The following TBX18 variants were observed in gnomAD, a reference collection of about 807,000 sequenced individuals.
The protein encoded by TBX18 is T-box transcription factor TBX18.
TBX18 carries 21 observed loss-of-function variants against 55.0 expected under a neutral mutation model. The ratio of observed to expected loss-of-function variants is 0.38; its 90% CI spans 0.27 to 0.55. The LOEUF is 0.55. TBX18 is among the 20% of genes least tolerant of loss of function. The pLI is 0.73. For missense variants in TBX18, 840 were observed against 799.6 expected, an observed-to-expected ratio of 1.05 and a Z score of -0.61; for synonymous variants, 342 against 326.1, an observed-to-expected ratio of 1.05 and a Z score of -0.53.
chr6:84,763,261 G>A, intron 1 of TBX18: 1 of 394,122 alleles, frequency 2.5e-6, no homozygotes, highest in Non-Finnish European at 5.0e-6. Flanking sequence ...TTTGGGCCGG[G>A]CCGGAGGCAT....
At chr6:84,751,745 T>C (rs1215165861) in intron 4 of TBX18, among the ~76,000 whole-genome samples, 1 of 152,174 alleles carries the variant, frequency 6.6e-6, no homozygotes, top group Non-Finnish European at 1.5e-5. Context: ...ACAAAAGCAA[T>C]TTAGACAGCA....
At chr6:84,757,847 T>C (rs1767537021) in intron 3 of TBX18, among the ~76,000 whole-genome samples, 1 of 152,076 alleles carries the variant, frequency 6.6e-6, no homozygotes, top group Admixed American at 6.5e-5. Flanking sequence ...TAAAATTATA[T>C]ACTTAGATAT....
At chr6:84,754,823 A>G (rs1430019725) in intron 4 of TBX18, among the ~76,000 whole-genome samples, 1 of 152,174 alleles carries the variant, frequency 6.6e-6, no homozygotes, top group East Asian at 1.9e-4. Context: ...TCAGTTGAAG[A>G]CTGTAGGAGA....
intron 4 of TBX18, among the ~76,000 whole-genome samples, chr6:84,750,220 G>A (rs1239451682): frequency 3.3e-5 from 5 of 151,022 alleles, no homozygotes; most frequent in African/African-American, 1.2e-4. Context: ...GGGAGGCGGA[G>A]GTTGCAGTGA....
At chr6:84,755,998 A>G (rs1767476982) in intron 4 of TBX18, among the ~76,000 whole-genome samples, 1 of 152,252 alleles carries the variant, frequency 6.6e-6, no homozygotes, top group Admixed American at 6.5e-5. Context: ...ATCTTAAATA[A>G]CAGAAACCTA....
In TBX18 at chr6:84,734,018, G is replaced by C. The variant is rs1362461117; in HGVS notation, c.*2667C>G. On this transcript the variant is annotated 3_prime_UTR_variant, in exon 8 of 8. Coordinates refer to ENST00000369663, the MANE Select transcript of TBX18 (RefSeq NM_001080508.3). The stretch of plus-strand genomic sequence containing the variant: ...TGGAAGGCAGCTTGTAAGGAAGCAA[G>C]TGTTAATTTTCAAAATGTGACTGGT... 6.6e-6 allele frequency: 1 copy of C among 152,158 alleles called. No individual in the cohort carries two copies. Among genetic ancestry groups the C allele is most frequent in the Non-Finnish European group, 1.5e-5 (1 of 68,044 alleles). The allele number at this position is 152,158 out of a possible 1,614,324, so 9.4% of individuals were successfully genotyped here. A position where few individuals can be genotyped will look rare whatever the true frequency, so the allele number is the denominator to read the frequency against.
chr6:84,758,717 A>G (rs752364506), intron 3 of TBX18, among the ~76,000 whole-genome samples: 3 of 152,220 alleles, frequency 2.0e-5, no homozygotes, highest in Non-Finnish European at 4.4e-5. Flanking sequence ...ACCTTGAAAA[A>G]GTATGCATTT....
At chr6:84,761,224 C>G (rs532670478) in intron 2 of TBX18, among the ~76,000 whole-genome samples, 1 of 152,166 alleles carries the variant, frequency 6.6e-6, no homozygotes, top group East Asian at 1.9e-4. Context: ...AAGTCCCTTC[C>G]AAGGAAATCT....
chr6:84,753,099 G>A (rs1380443877), intron 4 of TBX18, among the ~76,000 whole-genome samples: 1 of 152,164 alleles, frequency 6.6e-6, no homozygotes, highest in African/African-American at 2.4e-5. Context: ...CATAAAGCTC[G>A]CTATGGATTC....
At chr6:84,738,434 T>A (rs1027121103) in intron 7 of TBX18, 63 bp downstream of exon 7, 3 of 1,233,044 alleles carry the variant, frequency 2.4e-6, no homozygotes, top group Admixed American at 1.7e-5. Flanking sequence ...TGTACACTTT[T>A]AGTGCCTGAG....
chr6:84,764,376 G>A lies in TBX18; in HGVS notation c.-195C>T. 1.3e-6 allele frequency: 1 copy of A among 769,532 alleles called. No homozygotes were observed. Among genetic ancestry groups the A allele is most frequent in the Non-Finnish European group, 1.9e-6 (1 of 530,310 alleles). The allele number at this position is 769,532 out of a possible 1,614,324, so 47.7% of individuals were successfully genotyped here. A position where few individuals can be genotyped will look rare whatever the true frequency, so the allele number is the denominator to read the frequency against. ...GTGTTGGGATCCAGGAACCGGCGACGCGCCGGCCAAGTCTCCTTTCCTGGG... is the reference window on the plus strand; with the variant it reads ...GTGTTGGGATCCAGGAACCGGCGACACGCCGGCCAAGTCTCCTTTCCTGGG... On this transcript the variant is annotated 5_prime_UTR_variant, in exon 1 of 8. Transcript: ENST00000369663.
rs1181278983 is a variant in TBX18 at position 84,733,515 on chromosome 6, G to C, written c.*3170C>G. Reference sequence around the variant, plus strand: ...CTAATTAGAGACAGCATCAGGGTAGGTAGCATCCACCACCTCTACCAAGGT... The same window carrying C: ...CTAATTAGAGACAGCATCAGGGTAGCTAGCATCCACCACCTCTACCAAGGT... On this transcript the variant is annotated 3_prime_UTR_variant, in exon 8 of 8. Coordinates refer to ENST00000369663, the MANE Select transcript of TBX18 (RefSeq NM_001080508.3). The C allele has an allele frequency of 6.6e-6, 1 of 152,156 alleles. No individual in the cohort carries two copies. The highest frequency in any genetic ancestry group is 1.5e-5 in the Non-Finnish European group (1 of 68,032). 9.4% of individuals were successfully genotyped at this position (152,156 alleles called of 1,614,324 possible). A position where few individuals can be genotyped will look rare whatever the true frequency, so the allele number is the denominator to read the frequency against.
intron 3 of TBX18, among the ~76,000 whole-genome samples, chr6:84,760,003 C>T (rs1044031949): frequency 6.6e-6 from 1 of 152,118 alleles, no homozygotes; most frequent in Non-Finnish European, 1.5e-5. Context: ...ACCAAATTAT[C>T]CCCTTTAAAA....
rs186441711 is a variant in TBX18 at position 84,746,252 on chromosome 6, G to C, written c.939+1668C>G. Among the ~76,000 whole-genome samples the C allele has an allele frequency of 7.2e-5, 11 of 152,048 alleles. No homozygotes were observed. In the East Asian group the frequency reaches 1.9e-3, roughly 27 times the overall value. The stretch of plus-strand genomic sequence containing the variant: ...AGAGAGAGACAAAAAGAGAGGAAGA[G>C]AGACAGAAAGAGGTGACGAATTGAG... On this transcript the variant is annotated intron_variant, in intron 5 of 7. Transcript: ENST00000369663.
rs1198510320 is a variant in TBX18, at chr6:84,764,120, G to A, written c.62C>T (p.Ser21Leu). The change falls in exon 1 of 8, where the codon TCG (serine) becomes TTG (leucine). Residue 21 changes from serine (S) to leucine (L), a missense_variant. Coordinates refer to ENST00000369663, the MANE Select transcript of TBX18 (RefSeq NM_001080508.3). Reference sequence around the variant, plus strand: ...CTCGGCGCCGATCAGCGCCTCCACCGAGAAAGCGTGCGCCTTGAGGCTTAG... The same window carrying A: ...CTCGGCGCCGATCAGCGCCTCCACCAAGAAAGCGTGCGCCTTGAGGCTTAG... Reference protein sequence around the residue: ...SMLSLKAHAFSVEALIGAEKQ... With the variant: ...SMLSLKAHAFLVEALIGAEKQ... 2 of 1,583,476 alleles carry A rather than the reference G, an allele frequency of 1.3e-6. No individual in the cohort carries two copies. The highest frequency in any genetic ancestry group is 1.7e-6 in the Non-Finnish European group (2 of 1,172,948).
At chr6:84,738,726 C>A in intron 6 of TBX18, 135 bp from the exon 7 acceptor site, 1 of 694,768 alleles carries the variant, frequency 1.4e-6, no homozygotes, top group Admixed American at 2.2e-5. Context: ...TAGGATCTTG[C>A]CACTGGCAAG....
chr6:84,760,385 T>G lies in TBX18; in HGVS notation c.498-29A>C, dbSNP rs768562592. The G allele has an allele frequency of 3.9e-6, 6 of 1,530,338 alleles. No homozygotes were observed. The East Asian group carries it at 1.4e-4, about 35-fold the overall frequency. The allele number at this position is 1,530,338 out of a possible 1,614,324, so 94.8% of individuals were successfully genotyped here. On this transcript the variant is annotated intron_variant, in intron 2 of 7. Coordinates refer to ENST00000369663, the MANE Select transcript of TBX18 (RefSeq NM_001080508.3). Reference sequence around the variant, plus strand: ...TTTAAAAAGGCGAAGAGAAAGAGGGTTTGGGGTTTTTGTTTGTGACTAAGG... The same window carrying G: ...TTTAAAAAGGCGAAGAGAAAGAGGGGTTGGGGTTTTTGTTTGTGACTAAGG...
At position 84,740,486 on chromosome 6, in the gene TBX18, A is replaced by G. The variant is rs1218920992; in HGVS notation, c.1005-1895T>C. Among the ~76,000 whole-genome samples the G allele has an allele frequency of 2.0e-5, 3 of 152,146 alleles. No individual in the cohort carries two copies. The East Asian group carries it at 5.8e-4, about 29-fold the overall frequency. On this transcript the variant is annotated intron_variant, in intron 6 of 7. Transcript: ENST00000369663. Reference sequence around the variant, plus strand: ...CAGTCATCATATCTGTGGCCAAACTACAAGCCAAATCCAAGTTCATGCCAC... The same window carrying G: ...CAGTCATCATATCTGTGGCCAAACTGCAAGCCAAATCCAAGTTCATGCCAC...
chr6:84,756,205 T>C (rs1484417969), intron 4 of TBX18, among the ~76,000 whole-genome samples: 6 of 152,372 alleles, frequency 3.9e-5, no homozygotes, highest in South Asian at 2.1e-4. Context: ...AAAGGAATGA[T>C]TGTTGTAACA....
Sources: allele counts gnomAD v4.1 joint callset (sites outside exome capture counted in the v4.1 genomes callset), GRCh38; gene constraint gnomAD v4.1.1; transcripts MANE v1.5; gene names NCBI Gene and HGNC (gene_info 2026-07-23, HGNC 2026-07-21).